KIF2A: variants seen among roughly 807,000 people sequenced by gnomAD.
KIF2A encodes the protein kinesin-like protein KIF2A.
A neutral mutation model predicts 100.2 loss-of-function variants in KIF2A; 22 were observed. The ratio of observed to expected loss-of-function variants is 0.22; its 90% confidence interval spans 0.16 to 0.31. KIF2A has a LOEUF of 0.31. Ranked by LOEUF, KIF2A falls within the 10% of genes least tolerant of loss-of-function variation. The probability of loss-of-function intolerance (pLI) is 1.00; values close to 1 mark genes in which losing one functional copy is unlikely to be tolerated. For synonymous variants in KIF2A, 268 were observed against 285.9 expected (o/e 0.94, Z 0.63); for missense variants, 495 against 898.7 (o/e 0.55, Z 5.74).
intron 16 of KIF2A, among the ~76,000 whole-genome samples, chr5:62,371,473 A>G (rs910247313): frequency 3.9e-5 from 6 of 152,248 alleles, no homozygotes; most frequent in Non-Finnish European, 7.3e-5. Flanking sequence ...AGTTCAACCT[A>G]AGAGAAATGA....
chr5:62,349,273 A>G (rs1379612313), intron 3 of KIF2A, among the ~76,000 whole-genome samples: 3 of 151,252 alleles, frequency 2.0e-5, no homozygotes, highest in Non-Finnish European at 4.4e-5. Flanking sequence ...ATAAGGATTT[A>G]TTTTAATTAT....
intron 1 of KIF2A, among the ~76,000 whole-genome samples, chr5:62,336,383 G>GT (rs1366294298): frequency 6.6e-6 from 1 of 152,150 alleles, no homozygotes; most frequent in African/African-American, 2.4e-5. Context: ...TACAGTTATG[G>GT]TAGAAATACA....
Position 62,385,609 on chromosome 5 carries a change from A to G in KIF2A, c.*40A>G. The G allele has an allele frequency of 7.3e-7, 1 of 1,365,926 alleles. No homozygotes were observed. Among genetic ancestry groups the G allele is most frequent in the Non-Finnish European group, 1.0e-6 (1 of 975,246 alleles). 84.6% of individuals were successfully genotyped at this position (1,365,926 alleles called of 1,614,324 possible). A position where few individuals can be genotyped will look rare whatever the true frequency, so the allele number is the denominator to read the frequency against. On this transcript the variant is annotated 3_prime_UTR_variant, in exon 21 of 21. Coordinates refer to ENST00000407818, the MANE Select transcript of KIF2A (RefSeq NM_001098511.3). ...CTAAAGGATACCCAGAACCCTCACTACTGTAACATACAACGGTTCAGCTGT... is the reference window on the plus strand; with the variant it reads ...CTAAAGGATACCCAGAACCCTCACTGCTGTAACATACAACGGTTCAGCTGT...
Position 62,306,506 on chromosome 5 carries a change from G to C in KIF2A, c.34G>C (p.Gly12Arg). The change falls in exon 1 of 21, where the codon GGG becomes CGG. Residue 12 changes from glycine to arginine, a missense_variant. Physicochemically the swap from Gly to Arg is moderately radical, Grantham distance 125. This residue lies in a region of KIF2A where 26 missense variants were observed against 16.4 expected (regional missense o/e 1.59). Coordinates refer to ENST00000407818, the MANE Select transcript of KIF2A (RefSeq NM_001098511.3). ...GGCCAACTTCGGCAAGATCCAGATC[G>C]GGATTTACGTGGAGATCAAGCGCAG... Reference protein sequence around the residue: ...ATANFGKIQIGIYVEIKRSDG... With the variant: ...ATANFGKIQIRIYVEIKRSDG... 6.5e-7 allele frequency: 1 copy of C among 1,546,462 alleles called. No individual in the cohort carries two copies. The highest frequency in any genetic ancestry group is 1.2e-5 in the South Asian group (1 of 83,294).
chr5:62,306,237 C>T lies in KIF2A; in HGVS notation c.-236C>T, dbSNP rs1745254895. 2.0e-6 allele frequency: 1 copy of T among 511,674 alleles called. No individual in the cohort carries two copies. Among genetic ancestry groups the T allele is most frequent in the African/African-American group, 2.1e-5 (1 of 48,406 alleles). The allele number at this position is 511,674 out of a possible 1,614,324, so 31.7% of individuals were successfully genotyped here. On this transcript the variant is annotated 5_prime_UTR_variant, in exon 1 of 21. Transcript: ENST00000407818. ...CCCCGCGCCGTCTCACGGCCCCGGC[C>T]CTAGCTTCACCCCGACTACCCGGCG...
chr5:62,355,138 A>G, intron 6 of KIF2A, 21 bp from the exon 7 acceptor site: 1 of 1,047,752 alleles, frequency 9.5e-7, no homozygotes, highest in Admixed American at 2.0e-5. Context: ...ATAATGGTGA[A>G]TTCTCTCTGT....
intron 1 of KIF2A, chr5:62,308,199 C>A: frequency 4.5e-6 from 2 of 444,788 alleles, no homozygotes; most frequent in South Asian, 2.8e-5. Context: ...TAGAAATTAC[C>A]AATAACACTA....
intron 1 of KIF2A, among the ~76,000 whole-genome samples, chr5:62,331,719 C>T (rs1339370192): frequency 1.4e-5 from 2 of 143,604 alleles, no homozygotes; most frequent in Non-Finnish European, 3.0e-5. Flanking sequence ...TATGTATGGT[C>T]ATATACCACA....
At position 62,306,445 on chromosome 5, in the gene KIF2A, G is replaced by T. The variant is rs1220230116; in HGVS notation, c.-28G>T. On this transcript the variant is annotated 5_prime_UTR_variant, in exon 1 of 21. Coordinates refer to ENST00000407818, the MANE Select transcript of KIF2A (RefSeq NM_001098511.3). ...TCCGCCCTCCGGTCCCCCTCCCTCGGCCCGCTGCTGCTGCTCCAGATGAGG... is the reference window on the plus strand; with the variant it reads ...TCCGCCCTCCGGTCCCCCTCCCTCGTCCCGCTGCTGCTGCTCCAGATGAGG... The T allele has an allele frequency of 1.3e-6, 2 of 1,532,010 alleles. No homozygotes were observed. Among genetic ancestry groups the T allele is most frequent in the Non-Finnish European group, 8.8e-7 (1 of 1,136,876 alleles). 94.9% of individuals were successfully genotyped at this position (1,532,010 alleles called of 1,614,324 possible).
chr5:62,357,647 C>T lies in KIF2A; in HGVS notation c.655-44C>T, dbSNP rs1390255253. 3.0e-6 allele frequency: 3 copies of T among 1,009,844 alleles called. No individual in the cohort carries two copies. In the African/African-American group the frequency reaches 4.9e-5, roughly 16 times the overall value. The allele number at this position is 1,009,844 out of a possible 1,614,324, so 62.6% of individuals were successfully genotyped here. A position where few individuals can be genotyped will look rare whatever the true frequency, so the allele number is the denominator to read the frequency against. On this transcript the variant is annotated intron_variant, in intron 7 of 20. Transcript: ENST00000407818. ...ACATAATTTACGTTTTAGTGTTTTA[C>T]ATGACACTAATAATCACTGAAATAA...
At chr5:62,373,966 A>G in intron 18 of KIF2A, 129 bp downstream of exon 18, 2 of 721,106 alleles carry the variant, frequency 2.8e-6, no homozygotes, top group East Asian at 2.7e-5. Context: ...TAATCTCACC[A>G]ATTTGGGAGG....
At chr5:62,357,940 T>G (rs981830830) in intron 8 of KIF2A, among the ~76,000 whole-genome samples, 195 bp downstream of exon 8, 1 of 152,234 alleles carries the variant, frequency 6.6e-6, no homozygotes, top group Non-Finnish European at 1.5e-5. Flanking sequence ...CGAGTCTTGC[T>G]TCACAGAAAT....
At chr5:62,373,312 G>A (rs1741397265) in intron 17 of KIF2A, among the ~76,000 whole-genome samples, 1 of 151,628 alleles carries the variant, frequency 6.6e-6, no homozygotes, top group African/African-American at 2.4e-5. Flanking sequence ...ACATTTTTCT[G>A]TTCATATAAT....
chr5:62,388,320 AT>A lies in KIF2A; in HGVS notation c.*2754del, dbSNP rs1742132958. The A allele has an allele frequency of 6.6e-6, 1 of 152,186 alleles. No individual in the cohort carries two copies. The highest frequency in any genetic ancestry group is 1.5e-5 in the Non-Finnish European group (1 of 68,032). 9.4% of individuals were successfully genotyped at this position (152,186 alleles called of 1,614,324 possible). On this transcript the variant is annotated 3_prime_UTR_variant, in exon 21 of 21. Transcript: ENST00000407818. ...ATAAAAAAAGATAATTTTATTGTTAATTTCATTCCAGTTTAGCTTCCTCATT... is the reference window on the plus strand; with the variant it reads ...ATAAAAAAAGATAATTTTATTGTTAATTCATTCCAGTTTAGCTTCCTCATT...
chr5:62,388,901 T>C lies in KIF2A; in HGVS notation c.*3332T>C, dbSNP rs750036041. On this transcript the variant is annotated 3_prime_UTR_variant, in exon 21 of 21. Coordinates refer to ENST00000407818, the MANE Select transcript of KIF2A (RefSeq NM_001098511.3). ...AACAGTAGTAGTATTGAACCAAAAA[T>C]AGTCAAGTAAATAATGTCTCAGTAA... 6.4e-4 allele frequency: 669 copies of C among 1,043,830 alleles called. No individual in the cohort carries two copies. Among genetic ancestry groups the C allele is most frequent in the Non-Finnish European group, 8.4e-4 (592 of 701,432 alleles). The allele number at this position is 1,043,830 out of a possible 1,614,324, so 64.7% of individuals were successfully genotyped here. A position where few individuals can be genotyped will look rare whatever the true frequency, so the allele number is the denominator to read the frequency against.
At chr5:62,317,012 T>C (rs1015171578) in intron 1 of KIF2A, among the ~76,000 whole-genome samples, 2 of 151,966 alleles carry the variant, frequency 1.3e-5, no homozygotes, top group African/African-American at 4.8e-5. Flanking sequence ...TGAGCTATAG[T>C]ATAGTAAAAA....
At chr5:62,351,950 T>G (rs1464951691) in intron 4 of KIF2A, among the ~76,000 whole-genome samples, 1 of 152,140 alleles carries the variant, frequency 6.6e-6, no homozygotes. Flanking sequence ...GGTGAAGAGT[T>G]TGAGGCCAGC....
At chr5:62,342,090 A>G (rs1747098887) in intron 1 of KIF2A, among the ~76,000 whole-genome samples, 1 of 152,150 alleles carries the variant, frequency 6.6e-6, no homozygotes, top group South Asian at 2.1e-4. Context: ...TCAGTGTTTT[A>G]TTAAACTCTT....
At chr5:62,308,106 G>C (rs1321893532) in intron 1 of KIF2A, among the ~76,000 whole-genome samples, 1 of 152,048 alleles carries the variant, frequency 6.6e-6, no homozygotes, top group African/African-American at 2.4e-5. Flanking sequence ...TTTTTCCTCC[G>C]TTATATTTGA....
Sources: allele counts gnomAD v4.1 joint callset (sites outside exome capture counted in the v4.1 genomes callset), GRCh38; gene constraint gnomAD v4.1.1; regional missense constraint gnomAD v4.1.1; transcripts MANE v1.5; gene names NCBI Gene and HGNC (gene_info 2026-07-23, HGNC 2026-07-21).